The following MAN2A2 variants were observed in gnomAD, a reference collection of about 807,000 sequenced individuals.
The protein encoded by MAN2A2 is alpha-mannosidase 2x.
Under a neutral mutation model 126.8 loss-of-function variants are expected in MAN2A2, and 79 were observed. The ratio of observed to expected loss-of-function variants is 0.62; its 90% CI spans 0.52 to 0.75. The LOEUF is 0.75. MAN2A2 is among the 30% of genes least tolerant of loss of function. The pLI is 0.00. For synonymous variants in MAN2A2, 671 were observed against 618.7 expected, an observed-to-expected ratio of 1.08 and a Z score of -1.25; for missense variants, 1,392 against 1,522.4, an observed-to-expected ratio of 0.91 and a Z score of 1.43.
rs781697605 is a variant in MAN2A2 at position 90,905,656 on chromosome 15, C to T, written c.468C>T (p.Tyr156=). Residue 156 remains tyrosine, a synonymous_variant, in exon 4 of 23, where the codon TAC becomes TAT. Transcript: ENST00000559717. ...GGAGGCAAGGCTTCGACATCTCCTA[C>T]GACCCGCACGACTGGGATGCTGAAG... ...GVWRQGFDIS[Y]DPHDWDAEDL... is the part of the protein sequence containing the mutation. 6.8e-5 allele frequency: 109 copies of T among 1,614,160 alleles called. No homozygotes were observed. Among genetic ancestry groups the T allele is most frequent in the Middle Eastern group, 1.6e-4 (1 of 6,062 alleles).
chr15:90,905,432 G>T lies in MAN2A2; in HGVS notation c.314G>T (p.Arg105Leu). Residue 105 changes from arginine to leucine, a missense_variant, in exon 3 of 23, where the codon CGG becomes CTG. By Grantham distance (102) the Arg-to-Leu change is moderately radical (BLOSUM62 -2). Coordinates refer to ENST00000559717, the MANE Select transcript of MAN2A2 (RefSeq NM_006122.4). ...NGSWVVPPEP[R>L]PSFFSISPQD... ...TCCTGGGTGGTGCCACCGGAGCCCC[G>T]GCCCAGCTTCTTCTCCATCTCCCCG... 1 of 1,613,766 alleles carries T rather than the reference G, an allele frequency of 6.2e-7. No individual in the cohort carries two copies. The highest frequency in any genetic ancestry group is 8.5e-7 in the Non-Finnish European group (1 of 1,180,004).
rs562547770 is a variant in MAN2A2 at position 90,920,224 on chromosome 15, T to C, written c.*437T>C. On this transcript the variant is annotated 3_prime_UTR_variant, in exon 23 of 23. Transcript: ENST00000559717. ...GCTCTAGGGGAATCCTGTGGTTATG[T>C]AGAGACTCCATGTCCTGGTGTGATG... 5.7e-6 allele frequency: 1 copy of C among 175,666 alleles called. No individual in the cohort carries two copies. Among genetic ancestry groups the C allele is most frequent in the African/African-American group, 2.4e-5 (1 of 42,316 alleles). 10.9% of individuals were successfully genotyped at this position (175,666 alleles called of 1,614,324 possible).
chr15:90,906,730 C>G lies in MAN2A2; in HGVS notation c.836-10C>G. 6.2e-7 allele frequency: 1 copy of G among 1,609,914 alleles called. No homozygotes were observed. The highest frequency in any genetic ancestry group is 8.5e-7 in the Non-Finnish European group (1 of 1,179,736). ...GTTCAGGGCCTCTCTGGCTTCCATG[C>G]CCTGCCCAGGTGCAACCCCCCGCTC... On this transcript the variant is annotated splice_polypyrimidine_tract_variant and intron_variant, in intron 6 of 22. Transcript: ENST00000559717.
In MAN2A2 at chr15:90,905,393, A is replaced by G; in HGVS notation, c.275A>G (p.Tyr92Cys). ...GGCCCGCCCGCCATGCTGCCCTACT[A>G]CACGGTCAATGGCTCCTGGGTGGTG... is the stretch of plus-strand genomic sequence containing the variant. The part of the protein sequence containing the change: ...AEGPPAMLPY[Y>C]TVNGSWVVPP... The change falls in exon 3 of 23, where the codon TAC (tyrosine) becomes TGC (cysteine). Residue 92 changes from tyrosine (Y) to cysteine (C), a missense_variant. Coordinates refer to ENST00000559717, the MANE Select transcript of MAN2A2 (RefSeq NM_006122.4). 1 of 1,613,890 alleles carries G rather than the reference A, an allele frequency of 6.2e-7. No homozygotes were observed. The highest frequency in any genetic ancestry group is 8.5e-7 in the Non-Finnish European group (1 of 1,180,024).
intron 9 of MAN2A2, among the ~76,000 whole-genome samples, chr15:90,909,855 G>A (rs1461842271): frequency 2.6e-5 from 4 of 152,144 alleles, no homozygotes; most frequent in African/African-American, 7.2e-5. Flanking sequence ...CACTCGCCTC[G>A]GCCTCCCAAA....
intron 7 of MAN2A2, 120 bp from the exon 8 acceptor site, chr15:90,907,188 GC>G: frequency 9.6e-7 from 1 of 1,044,198 alleles, no homozygotes; most frequent in Non-Finnish European, 1.4e-6. Context: ...ACTCTCTCCA[GC>G]CCTAGGTCCA....
chr15:90,906,077 G>T, intron 5 of MAN2A2, 61 bp downstream of exon 5: 2 of 1,603,740 alleles, frequency 1.2e-6, no homozygotes, highest in Non-Finnish European at 1.7e-6. Context: ...GGGTGGACGG[G>T]TCTTACCTTA....
At chr15:90,914,679 G>A (rs1046769431) in intron 19 of MAN2A2, among the ~76,000 whole-genome samples, 16 of 152,018 alleles carry the variant, frequency 1.1e-4, no homozygotes, top group Admixed American at 2.0e-4. Flanking sequence ...GCCACCATGC[G>A]CAGCTAGTTT....
chr15:90,910,631 G>A lies in MAN2A2; in HGVS notation c.1708G>A (p.Asp570Asn). 1 of 1,614,160 alleles carries A rather than the reference G, an allele frequency of 6.2e-7. No individual in the cohort carries two copies. Among genetic ancestry groups the A allele is most frequent in the Non-Finnish European group, 8.5e-7 (1 of 1,180,028 alleles). ...CACATTGGGGCTCTTCCAGCATCAC[G>A]ATGCCATCACTGGCACGGCCAAGGA... ...RRTLGLFQHH[D>N]AITGTAKEAV... The change falls in exon 11 of 23, where the codon GAT becomes AAT. Residue 570 changes from aspartate to asparagine, a missense_variant. Transcript: ENST00000559717.
In MAN2A2 at chr15:90,918,238, C is replaced by T. The variant is rs2035335009; in HGVS notation, c.3039C>T (p.His1013=). The change falls in exon 21 of 23, where the codon CAC becomes CAT. Residue 1013 remains histidine, a synonymous_variant. Transcript: ENST00000559717. ...CCAGCTACCCATCCCTCCTCAGCCA[C>T]CTGACCTCCATGTACCTGAACGCCC... ...HSTSYPSLLS[H]LTSMYLNAPA... The T allele has an allele frequency of 3.1e-6, 5 of 1,614,086 alleles. No homozygotes were observed. Among genetic ancestry groups the T allele is most frequent in the Non-Finnish European group, 4.2e-6 (5 of 1,179,980 alleles).
intron 4 of MAN2A2, 25 bp downstream of exon 4, chr15:90,905,748 A>G (rs1322286882): frequency 6.2e-7 from 1 of 1,612,384 alleles, no homozygotes; most frequent in Middle Eastern, 1.7e-4. Flanking sequence ...GACTCCTGGG[A>G]GCTGGAGTGT....
Position 90,912,219 on chromosome 15 carries a change from C to T in MAN2A2, c.2286C>T (p.Asp762=), listed in dbSNP as rs780369248. 7 of 1,614,236 alleles carry T rather than the reference C, an allele frequency of 4.3e-6. No homozygotes were observed. The highest frequency in any genetic ancestry group is 5.9e-6 in the Non-Finnish European group (7 of 1,180,048). Residue 762 remains aspartate (D), a synonymous_variant, in exon 15 of 23, where the codon GAC becomes GAT. Coordinates refer to ENST00000559717, the MANE Select transcript of MAN2A2 (RefSeq NM_006122.4). ...GTGTCATTGACTCTGGCACCAGCGACTTCGCCCTCAGCAACCGCTACATGC... is the reference window on the plus strand; with the variant it reads ...GTGTCATTGACTCTGGCACCAGCGATTTCGCCCTCAGCAACCGCTACATGC... ...PLRVIDSGTS[D]FALSNRYMQV... is the part of the protein sequence containing the mutation.
At chr15:90,907,176 A>C in intron 7 of MAN2A2, 133 bp from the exon 8 acceptor site, 1 of 962,314 alleles carries the variant, frequency 1.0e-6, no homozygotes, top group Non-Finnish European at 1.6e-6. Flanking sequence ...CCTGGCCTAC[A>C]CACTCTCTCC....
At chr15:90,919,361 C>T (rs545321963) in intron 22 of MAN2A2, among the ~76,000 whole-genome samples, 1 of 152,370 alleles carries the variant, frequency 6.6e-6, no homozygotes, top group South Asian at 2.1e-4. Context: ...GCCTCAGCCT[C>T]CCGAGTAGCT....
At position 90,918,267 on chromosome 15, in the gene MAN2A2, C is replaced by T. The variant is rs373417566; in HGVS notation, c.3068C>T (p.Ala1023Val). The change falls in exon 21 of 23, where the codon GCG (alanine) becomes GTG (valine). Residue 1023 changes from alanine (A) to valine (V), a missense_variant. Ala to Val is a moderately conservative substitution (Grantham distance 64, BLOSUM62 0). Transcript: ENST00000559717. ...ACCTCCATGTACCTGAACGCCCCGG[C>T]GCTCGCTCTGCCTGTAGCCAGGATG... ...HLTSMYLNAP[A>V]LALPVARMQL... is the part of the protein sequence containing the mutation. 80 of 1,614,190 alleles carry T rather than the reference C, an allele frequency of 5.0e-5. 1 individual carries two copies. The East Asian group carries it at 1.4e-3, about 28-fold the overall frequency.
chr15:90,907,058 G>T (rs1479436313), intron 7 of MAN2A2, 145 bp downstream of exon 7: 3 of 1,086,784 alleles, frequency 2.8e-6, no homozygotes, highest in African/African-American at 1.5e-5. Context: ...GCACCCTCTG[G>T]TTAGGGGAGG....
intron 20 of MAN2A2, chr15:90,916,523 C>T: frequency 2.1e-6 from 3 of 1,400,692 alleles, no homozygotes; most frequent in Non-Finnish European, 2.9e-6. Flanking sequence ...TCTGCCCTGT[C>T]CCAGCATTCT....
At chr15:90,911,641 G>A in intron 14 of MAN2A2, 91 bp downstream of exon 14, 1 of 1,384,092 alleles carries the variant, frequency 7.2e-7, no homozygotes, top group Non-Finnish European at 9.7e-7. Flanking sequence ...CCTCCTGCTT[G>A]TGGCCCTGCT....
At chr15:90,910,324 G>T (rs767586373) in intron 10 of MAN2A2, 32 bp downstream of exon 10, 13 of 1,611,072 alleles carry the variant, frequency 8.1e-6, no homozygotes, top group African/African-American at 1.3e-5. Flanking sequence ...CAGGCTGGAG[G>T]GGGAGAGTCA....
Sources: gnomAD v4.1 joint callset for allele counts (sites outside exome capture counted in the v4.1 genomes callset) on GRCh38, gnomAD v4.1.1 for gene constraint, MANE v1.5 for transcripts, NCBI Gene and HGNC (gene_info 2026-07-23, HGNC 2026-07-21) for gene names.